AKAP13: variants seen among roughly 807,000 people sequenced by gnomAD.
AKAP13 encodes A-kinase anchor protein 13.
Under a neutral mutation model 264.5 loss-of-function variants are expected in AKAP13, and 80 were observed. The ratio of observed to expected loss-of-function variants is 0.30; its 90% confidence interval spans 0.25 to 0.36. The LOEUF (loss-of-function observed/expected upper bound fraction) is 0.36, where lower values mean the gene tolerates loss of function less well. AKAP13 is among the 10% of genes least tolerant of loss of function. AKAP13 has a pLI of 1.00. For missense variants in AKAP13, 3,712 were observed against 3,435.2 expected (o/e 1.08, Z -2.01); for synonymous variants, 1,380 against 1,250.2 (o/e 1.10, Z -2.19).
chr15:85,574,141 A>G (rs4842890), intron 5 of AKAP13, among the ~76,000 whole-genome samples: 94,470 of 152,050 alleles, frequency 0.62, 29,500 homozygotes, highest in Middle Eastern at 0.72. Context: ...AACGGTTAGG[A>G]CTTCAGACAT....
chr15:85,525,197 A>G (rs1231576244), intron 3 of AKAP13, among the ~76,000 whole-genome samples: 1 of 151,196 alleles, frequency 6.6e-6, no homozygotes, highest in Non-Finnish European at 1.5e-5. Context: ...AGCTGGGACT[A>G]CAGGTGCCCA....
In AKAP13 at chr15:85,749,341, A is replaced by C. The variant is rs1180907985; in HGVS notation, c.*4664A>C. 1 of 152,082 alleles carries C rather than the reference A, an allele frequency of 6.6e-6. No individual in the cohort carries two copies. The highest frequency in any genetic ancestry group is 1.5e-5 in the Non-Finnish European group (1 of 68,022). The allele number at this position is 152,082 out of a possible 1,614,324, so 9.4% of individuals were successfully genotyped here. Reference sequence around the variant, plus strand: ...CCTCAGCCCTTTCAAAAAATAATAAATTTCCTGTGAAGTTCTGGTTGGTGC... The same window carrying C: ...CCTCAGCCCTTTCAAAAAATAATAACTTTCCTGTGAAGTTCTGGTTGGTGC... On this transcript the variant is annotated 3_prime_UTR_variant, in exon 37 of 37. Transcript: ENST00000394518.
At chr15:85,653,594 TTATAG>T (rs1567176718) in intron 10 of AKAP13, among the ~76,000 whole-genome samples, 1 of 152,244 alleles carries the variant, frequency 6.6e-6, no homozygotes, top group East Asian at 1.9e-4. Context: ...AAGAGTCTCC[TTATAG>T]TATAGAGATA....
intron 4 of AKAP13, among the ~76,000 whole-genome samples, chr15:85,539,206 T>C (rs2077504422): frequency 6.6e-6 from 1 of 152,204 alleles, no homozygotes; most frequent in South Asian, 2.1e-4. Flanking sequence ...CTAGTGGTTT[T>C]TTTTTCCCCT....
At chr15:85,436,932 A>AT (rs1322137683) in intron 1 of AKAP13, among the ~76,000 whole-genome samples, 1 of 152,022 alleles carries the variant, frequency 6.6e-6, no homozygotes, top group Non-Finnish European at 1.5e-5. Context: ...GAGCAAACAC[A>AT]TTCAAAAGCT....
rs774399730 is a variant in AKAP13, at chr15:85,655,420, G to C, written c.4378G>C (p.Glu1460Gln). The change falls in exon 11 of 37, where the codon GAG becomes CAG. Residue 1460 changes from glutamate to glutamine, a missense_variant. Around this residue, in one of 3 missense-constraint regions of AKAP13, gnomAD observed 2,759 missense variants for 2,411.7 expected, o/e 1.14. Transcript: ENST00000394518. The part of the protein sequence containing the change: ...DMDSIIFPKP[E>Q]EEHLACDITG... ...ATGTGCTTTCTCTCCATTACAGCCA[G>C]AGGAAGAGCATTTGGCCTGTGATAT... The C allele has an allele frequency of 8.1e-6, 13 of 1,612,856 alleles. No individual in the cohort carries two copies. In the Admixed American group the frequency reaches 2.2e-4, roughly 27 times the overall value.
At chr15:85,613,691 A>AAATAT (rs1313187436) in intron 8 of AKAP13, among the ~76,000 whole-genome samples, 6 of 91,970 alleles carry the variant, frequency 6.5e-5, no homozygotes, top group Admixed American at 1.0e-4. Context: ...AAAAAAAAAA[A>AAATAT]ATATATATAT....
At chr15:85,391,790 A>G (rs2070870764) in intron 1 of AKAP13, among the ~76,000 whole-genome samples, 1 of 133,292 alleles carries the variant, frequency 7.5e-6, no homozygotes, top group African/African-American at 2.9e-5. Context: ...TGGCCTCCTT[A>G]TTCTTTTTTT....
At chr15:85,741,732 A>AC (rs1345228785) in intron 35 of AKAP13, among the ~76,000 whole-genome samples, 37 of 132,682 alleles carry the variant, frequency 2.8e-4, no homozygotes, top group Admixed American at 1.2e-3. Context: ...AAACAAACAA[A>AC]AAAAAAAAAC....
chr15:85,466,221 T>G (rs2074736333), intron 1 of AKAP13, among the ~76,000 whole-genome samples: 1 of 151,548 alleles, frequency 6.6e-6, no homozygotes, highest in African/African-American at 2.4e-5. Context: ...TCTTGTAAAT[T>G]TGTTTGAGTT....
At chr15:85,482,459 T>A (rs937601568) in intron 1 of AKAP13, among the ~76,000 whole-genome samples, 2 of 151,996 alleles carry the variant, frequency 1.3e-5, no homozygotes, top group African/African-American at 4.8e-5. Context: ...TCTTGAGGAG[T>A]ATGGTGTCTG....
chr15:85,534,259 T>C (rs1395549713), intron 4 of AKAP13: 2 of 247,658 alleles, frequency 8.1e-6, no homozygotes, highest in Admixed American at 1.0e-4. Flanking sequence ...TGAAGTTCTC[T>C]AAAGATAGCC....
rs544957981 is a variant in AKAP13 at position 85,646,266 on chromosome 15, G to A, written c.4374+312G>A. On this transcript the variant is annotated intron_variant, in intron 10 of 36. Coordinates refer to ENST00000394518, the MANE Select transcript of AKAP13 (RefSeq NM_007200.5). ...GAGGTGGGCGGACCCCTTGAGGTCA[G>A]GAGTTCGAGACCAGCCTGGCCAACA... Among the ~76,000 whole-genome samples the A allele has an allele frequency of 1.9e-4, 29 of 152,284 alleles. No individual in the cohort carries two copies. In the South Asian group the frequency reaches 3.5e-3, roughly 18 times the overall value.
chr15:85,730,061 G>A (rs2087893901), intron 29 of AKAP13, among the ~76,000 whole-genome samples: 3 of 152,202 alleles, frequency 2.0e-5, no homozygotes, highest in African/African-American at 7.2e-5. Context: ...TCCTGAGAAA[G>A]AATGGTAGGA....
chr15:85,674,268 G>A (rs950831008), intron 14 of AKAP13, among the ~76,000 whole-genome samples: 11 of 152,128 alleles, frequency 7.2e-5, no homozygotes, highest in Non-Finnish European at 1.5e-4. Flanking sequence ...GCACCAACAT[G>A]ATGCCACAAG....
At chr15:85,548,204 C>T (rs919945046) in intron 5 of AKAP13, among the ~76,000 whole-genome samples, 1 of 152,164 alleles carries the variant, frequency 6.6e-6, no homozygotes, top group Non-Finnish European at 1.5e-5. Flanking sequence ...ACTTGGAAGT[C>T]AAACCTAGGT....
In AKAP13 at chr15:85,424,935, T is replaced by C. The variant is rs141018903; in HGVS notation, c.-12+44137T>C. Among the ~76,000 whole-genome samples the C allele has an allele frequency of 6.6e-4, 100 of 152,310 alleles. 1 individual carries two copies. The highest frequency in any genetic ancestry group is 2.2e-3 in the African/African-American group (91 of 41,564). On this transcript the variant is annotated intron_variant, in intron 1 of 36. Transcript: ENST00000394518. ...GCAAGTTGGTGGAGCAGTTAGAACA[T>C]ACACAACATTTATTTAGTTTGCTGT...
intron 8 of AKAP13, among the ~76,000 whole-genome samples, chr15:85,617,213 G>A (rs1354965488): frequency 2.0e-5 from 3 of 151,578 alleles, no homozygotes; most frequent in Admixed American, 6.6e-5. Context: ...GACAGGGATA[G>A]GGTAGAAAAG....
At chr15:85,405,666 A>G (rs2150852965) in intron 1 of AKAP13, among the ~76,000 whole-genome samples, 1 of 152,334 alleles carries the variant, frequency 6.6e-6, no homozygotes, top group African/African-American at 2.4e-5. Flanking sequence ...GGCAGGATCC[A>G]GAACTTCGGC....
Sources: allele counts gnomAD v4.1 joint callset (sites outside exome capture counted in the v4.1 genomes callset), GRCh38; gene constraint gnomAD v4.1.1; regional missense constraint gnomAD v4.1.1; transcripts MANE v1.5; gene names NCBI Gene and HGNC (gene_info 2026-07-23, HGNC 2026-07-21).